Variants in METTL25 observed in about 807,000 individuals in gnomAD.
The protein encoded by METTL25 is methyltransferase like 25.
In METTL25, 64 loss-of-function variants were observed where a neutral mutation model predicts 71.6. The ratio of observed to expected loss-of-function variants is 0.89; its 90% CI spans 0.73 to 1.10. METTL25 has a LOEUF of 1.10. METTL25 is among the 50% of genes least tolerant of loss of function. METTL25 has a pLI of 0.00. For synonymous variants in METTL25, 287 were observed against 250.3 expected, an observed-to-expected ratio of 1.15 and a Z score of -1.38; for missense variants, 807 against 707.0, an observed-to-expected ratio of 1.14 and a Z score of -1.60.
chr12:82,423,122 C>T (rs1025139120), intron 5 of METTL25, among the ~76,000 whole-genome samples: 23 of 152,086 alleles, frequency 1.5e-4, no homozygotes, highest in African/African-American at 2.7e-4. Context: ...GGAGGCATCA[C>T]GCTACCTGAC....
At chr12:82,359,247 GA>G (rs1565790048) in intron 1 of METTL25, among the ~76,000 whole-genome samples, 3 of 152,330 alleles carry the variant, frequency 2.0e-5, no homozygotes, top group African/African-American at 7.2e-5. Context: ...ATGTGGTAGG[GA>G]TTGTGTAAGG....
Position 82,470,786 on chromosome 12 carries a change from C to T in METTL25, c.1573-5858C>T, listed in dbSNP as rs146114533. Among the ~76,000 whole-genome samples the T allele has an allele frequency of 2.6e-5, 4 of 152,194 alleles. No homozygotes were observed. In the East Asian group the frequency reaches 7.7e-4, roughly 29 times the overall value. On this transcript the variant is annotated intron_variant, in intron 9 of 11. Coordinates refer to ENST00000248306, the MANE Select transcript of METTL25 (RefSeq NM_032230.3). ...TAATGAATTATGGTGTTATTTTTCA[C>T]AATTCAATTGTGAGGCTTATTGTAA...
At chr12:82,364,489 T>A (rs986467345) in intron 1 of METTL25, among the ~76,000 whole-genome samples, 2 of 152,238 alleles carry the variant, frequency 1.3e-5, no homozygotes, top group Non-Finnish European at 2.9e-5. Context: ...TGTCTGATGT[T>A]GGTGTACTGA....
At chr12:82,425,281 T>G (rs1441263886) in intron 5 of METTL25, among the ~76,000 whole-genome samples, 2 of 152,068 alleles carry the variant, frequency 1.3e-5, no homozygotes, top group Non-Finnish European at 2.9e-5. Flanking sequence ...TTATACCTAT[T>G]ACATCCTACC....
At chr12:82,375,938 T>A (rs1883810708) in intron 1 of METTL25, among the ~76,000 whole-genome samples, 1 of 152,206 alleles carries the variant, frequency 6.6e-6, no homozygotes, top group African/African-American at 2.4e-5. Flanking sequence ...AGGTATGACC[T>A]CTGCCTTCAA....
chr12:82,369,639 A>T, intron 1 of METTL25: 1 of 268,470 alleles, frequency 3.7e-6, no homozygotes, highest in Non-Finnish European at 7.5e-6. Flanking sequence ...GAGTGAAAGA[A>T]CAAAGCTTCC....
chr12:82,409,764 G>T (rs967698288), intron 5 of METTL25, among the ~76,000 whole-genome samples: 1 of 151,934 alleles, frequency 6.6e-6, no homozygotes, highest in Admixed American at 6.6e-5. Context: ...TTTACCCCCA[G>T]CCTTAATATG....
intron 5 of METTL25, among the ~76,000 whole-genome samples, chr12:82,430,402 T>C (rs1056729545): frequency 4.0e-5 from 6 of 151,598 alleles, no homozygotes; most frequent in Non-Finnish European, 7.4e-5. Context: ...TAAGAGCCTG[T>C]ACAGCTGTTC....
At chr12:82,390,250 A>C (rs1885446250) in intron 3 of METTL25, among the ~76,000 whole-genome samples, 1 of 152,076 alleles carries the variant, frequency 6.6e-6, no homozygotes, top group Non-Finnish European at 1.5e-5. Flanking sequence ...TGAGGATGAC[A>C]TTCTGCAAAA....
chr12:82,397,593 A>G (rs1455273195), intron 3 of METTL25, among the ~76,000 whole-genome samples: 2 of 152,030 alleles, frequency 1.3e-5, no homozygotes, highest in African/African-American at 4.8e-5. Flanking sequence ...CATCTCTGAT[A>G]TACTTTTAAT....
chr12:82,365,217 A>G (rs1212835160), intron 1 of METTL25, among the ~76,000 whole-genome samples: 1 of 152,230 alleles, frequency 6.6e-6, no homozygotes, highest in Non-Finnish European at 1.5e-5. Flanking sequence ...ATTGTGTATG[A>G]TAATAAATAT....
intron 9 of METTL25, among the ~76,000 whole-genome samples, chr12:82,471,557 G>A (rs1216163952): frequency 6.6e-6 from 1 of 152,188 alleles, no homozygotes; most frequent in Non-Finnish European, 1.5e-5. Context: ...ATTAAGAATA[G>A]GGTGAGAGTT....
chr12:82,409,788 A>T (rs1887408340), intron 5 of METTL25, among the ~76,000 whole-genome samples: 1 of 152,114 alleles, frequency 6.6e-6, no homozygotes, highest in South Asian at 2.1e-4. Flanking sequence ...TGGGATAAAG[A>T]GGTGATTCTC....
intron 5 of METTL25, among the ~76,000 whole-genome samples, chr12:82,404,269 G>A (rs1308675770): frequency 6.6e-6 from 1 of 151,816 alleles, no homozygotes; most frequent in African/African-American, 2.4e-5. Flanking sequence ...TAATTTAGAT[G>A]GAGAGTATAC....
At chr12:82,452,511 A>G (rs1202530948) in intron 8 of METTL25, among the ~76,000 whole-genome samples, 1 of 152,216 alleles carries the variant, frequency 6.6e-6, no homozygotes, top group African/African-American at 2.4e-5. Context: ...TCTAAATTAC[A>G]TGAATGAATA....
chr12:82,359,771 C>T (rs1414092079), intron 1 of METTL25, among the ~76,000 whole-genome samples: 1 of 152,192 alleles, frequency 6.6e-6, no homozygotes, highest in African/African-American at 2.4e-5. Context: ...TGATGGACAC[C>T]AACAGGCTTC....
At chr12:82,458,990 T>C (rs1891679469) in intron 9 of METTL25, among the ~76,000 whole-genome samples, 1 of 152,158 alleles carries the variant, frequency 6.6e-6, no homozygotes, top group African/African-American at 2.4e-5. Context: ...CTACAAACCA[T>C]TGAAAATCAT....
chr12:82,375,214 T>C (rs2136883955), intron 1 of METTL25, among the ~76,000 whole-genome samples: 1 of 152,258 alleles, frequency 6.6e-6, no homozygotes, highest in East Asian at 1.9e-4. Flanking sequence ...GCCAGTGTGA[T>C]GGTATTAAGA....
At chr12:82,391,540 A>ATGTGTGTGTG (rs59778065) in intron 3 of METTL25, among the ~76,000 whole-genome samples, 4 of 150,652 alleles carry the variant, frequency 2.7e-5, no homozygotes, top group African/African-American at 9.7e-5. Context: ...TTGTTAGTAT[A>ATGTGTGTGTG]TGTGTGTGTG....
Sources: gnomAD v4.1 joint callset for allele counts (sites outside exome capture counted in the v4.1 genomes callset) on GRCh38, gnomAD v4.1.1 for gene constraint, MANE v1.5 for transcripts, NCBI Gene and HGNC (gene_info 2026-07-23, HGNC 2026-07-21) for gene names.